Variants in HTR1F observed in about 807,000 individuals in gnomAD.
The protein encoded by HTR1F is 5-hydroxytryptamine (serotonin) receptor 1F, G protein-coupled.
Under a neutral mutation model 24.0 loss-of-function variants are expected in HTR1F, and 17 were observed. The ratio of observed to expected loss-of-function variants is 0.71; its 90% confidence interval spans 0.48 to 1.06. The LOEUF is 1.06. HTR1F is among the 50% of genes least tolerant of loss of function. HTR1F has a pLI of 0.00. For synonymous variants in HTR1F, 186 were observed against 156.8 expected, an observed-to-expected ratio of 1.19 and a Z score of -1.39; for missense variants, 391 against 427.8, an observed-to-expected ratio of 0.91 and a Z score of 0.76.
intron 2 of HTR1F, among the ~76,000 whole-genome samples, chr3:87,897,236 T>TTATATATATATATATATAAATGTTTTA (rs57031236): frequency 3.8e-4 from 55 of 146,570 alleles, no homozygotes; most frequent in African/African-American, 1.3e-3. Context: ...TATAAATGTT[T>TTATATATATATATATATAAATGTTTTA]TATATATATA....
intron 2 of HTR1F, among the ~76,000 whole-genome samples, chr3:87,935,568 A>G (rs1161967212): frequency 6.6e-6 from 1 of 152,208 alleles, no homozygotes; most frequent in African/African-American, 2.4e-5. Flanking sequence ...CCTACCTCCA[A>G]AATTGGAAAT....
intron 1 of HTR1F, among the ~76,000 whole-genome samples, chr3:87,807,302 A>T (rs147749284): frequency 6.6e-6 from 1 of 151,904 alleles, no homozygotes; most frequent in East Asian, 1.9e-4. Flanking sequence ...ATTTATTTCA[A>T]CAGTGTTTTG....
At chr3:87,925,890 T>C (rs1402723995) in intron 2 of HTR1F, among the ~76,000 whole-genome samples, 3 of 152,196 alleles carry the variant, frequency 2.0e-5, no homozygotes, top group Admixed American at 2.0e-4. Context: ...GAAGGCTGTG[T>C]TACTTCTTGC....
intron 2 of HTR1F, among the ~76,000 whole-genome samples, chr3:87,911,770 A>G (rs1288882201): frequency 6.6e-6 from 1 of 152,142 alleles, no homozygotes; most frequent in Non-Finnish European, 1.5e-5. Context: ...ACATACACAA[A>G]TCAATAAATG....
chr3:87,843,546 T>C (rs1299227554), intron 2 of HTR1F, among the ~76,000 whole-genome samples: 1 of 151,152 alleles, frequency 6.6e-6, no homozygotes, highest in Admixed American at 6.6e-5. Flanking sequence ...TTTATTATTA[T>C]ACTTTAAGTT....
At chr3:87,872,342 G>A (rs1705576886) in intron 2 of HTR1F, among the ~76,000 whole-genome samples, 1 of 151,986 alleles carries the variant, frequency 6.6e-6, no homozygotes, top group Non-Finnish European at 1.5e-5. Flanking sequence ...TATTTTCTAT[G>A]CAAGCTTCTT....
At chr3:87,974,328 A>G (rs1172282853) in intron 2 of HTR1F, among the ~76,000 whole-genome samples, 1 of 152,156 alleles carries the variant, frequency 6.6e-6, no homozygotes, top group Non-Finnish European at 1.5e-5. Flanking sequence ...CATATTCAGT[A>G]TTTCTATTAT....
At position 87,991,643 on chromosome 3, in the gene HTR1F, C is replaced by CT. The variant is rs781460836; in HGVS notation, c.896dup (p.Leu299PhefsTer19). Reference sequence around the variant, plus strand: ...AAGCAGCCACTACCCTGGGATTAATCTTGGGTGCATTTGTAATATGTTGGC... The same window carrying CT: ...AAGCAGCCACTACCCTGGGATTAATCTTTGGGTGCATTTGTAATATGTTGGC... On this transcript the variant is annotated frameshift_variant, in exon 3 of 3. Transcript: ENST00000319595. LOFTEE classifies it high-confidence loss of function. The CT allele has an allele frequency of 6.2e-7, 1 of 1,613,536 alleles. No homozygotes were observed. The highest frequency in any genetic ancestry group is 8.5e-7 in the Non-Finnish European group (1 of 1,179,708).
At chr3:87,808,972 T>A (rs1704118151) in intron 1 of HTR1F, among the ~76,000 whole-genome samples, 1 of 151,836 alleles carries the variant, frequency 6.6e-6, no homozygotes, top group Non-Finnish European at 1.5e-5. Context: ...TTATGTGGTT[T>A]CTATTTTTAA....
At chr3:87,990,658 A>C (rs1705800217) in intron 2 of HTR1F, 50 bp from the exon 3 acceptor site, 6 of 888,824 alleles carry the variant, frequency 6.8e-6, no homozygotes, top group Non-Finnish European at 1.0e-5. Context: ...AAGGAAGAGA[A>C]AAGTTCTTGA....
intron 1 of HTR1F, among the ~76,000 whole-genome samples, chr3:87,809,518 T>C (rs1704127115): frequency 6.6e-6 from 1 of 152,092 alleles, no homozygotes; most frequent in African/African-American, 2.4e-5. Context: ...AGCTTTTCTT[T>C]TTTGATTTAC....
chr3:87,914,456 C>T (rs1009962933), intron 2 of HTR1F, among the ~76,000 whole-genome samples: 2 of 152,096 alleles, frequency 1.3e-5, no homozygotes, highest in African/African-American at 4.8e-5. Context: ...GGCAAGTTCT[C>T]AAACCCTGCT....
intron 2 of HTR1F, among the ~76,000 whole-genome samples, chr3:87,983,687 T>C (rs1038196724): frequency 1.3e-5 from 2 of 152,170 alleles, no homozygotes; most frequent in Admixed American, 6.5e-5. Context: ...GACCCCAATC[T>C]GCATCCCAAT....
chr3:87,893,792 C>T (rs1449094321), intron 2 of HTR1F, among the ~76,000 whole-genome samples: 14 of 152,194 alleles, frequency 9.2e-5, no homozygotes, highest in Admixed American at 8.5e-4. Context: ...AAGCAAATAT[C>T]CATCTAAAAT....
chr3:87,805,357 G>T (rs1046868477), intron 1 of HTR1F, among the ~76,000 whole-genome samples: 7 of 151,936 alleles, frequency 4.6e-5, no homozygotes, highest in African/African-American at 1.7e-4. Context: ...TGACTGACTG[G>T]ATTTTCCACA....
At chr3:87,927,532 G>A (rs1425696026) in intron 2 of HTR1F, among the ~76,000 whole-genome samples, 2 of 151,936 alleles carry the variant, frequency 1.3e-5, no homozygotes, top group Non-Finnish European at 2.9e-5. Flanking sequence ...TATTATTTGG[G>A]TTTCCTAAAT....
chr3:87,936,078 G>T (rs1328151025), intron 2 of HTR1F, among the ~76,000 whole-genome samples: 1 of 152,148 alleles, frequency 6.6e-6, no homozygotes, highest in Non-Finnish European at 1.5e-5. Context: ...TCAAACTCCT[G>T]ACCTCAAGTG....
chr3:87,850,524 G>A (rs1705061984), intron 2 of HTR1F, among the ~76,000 whole-genome samples: 1 of 151,734 alleles, frequency 6.6e-6, no homozygotes, highest in Non-Finnish European at 1.5e-5. Context: ...GAGTTAATGG[G>A]TGCAGCACAC....
intron 2 of HTR1F, among the ~76,000 whole-genome samples, chr3:87,990,008 C>T (rs889701790): frequency 4.6e-5 from 7 of 152,124 alleles, no homozygotes; most frequent in African/African-American, 1.7e-4. Flanking sequence ...TCTTCTGGAG[C>T]CTCAGTAAGT....
Sources: gnomAD v4.1 joint callset for allele counts (sites outside exome capture counted in the v4.1 genomes callset) on GRCh38, gnomAD v4.1.1 for gene constraint, MANE v1.5 for transcripts, NCBI Gene and HGNC (gene_info 2026-07-23, HGNC 2026-07-21) for gene names.